The following SORCS2 variants were observed in gnomAD, a reference collection of about 807,000 sequenced individuals.
SORCS2 encodes sortilin related VPS10 domain containing receptor 2.
SORCS2 carries 100 observed loss-of-function variants against 141.6 expected under a neutral mutation model. The ratio of observed to expected loss-of-function variants is 0.71; its 90% CI spans 0.60 to 0.83. SORCS2 has a LOEUF of 0.83. SORCS2 is among the 40% of genes least tolerant of loss of function. The pLI is 0.00. For missense variants in SORCS2, 1,646 were observed against 1,560.2 expected (o/e 1.05, Z -0.93); for synonymous variants, 789 against 676.9 (o/e 1.17, Z -2.57).
At chr4:7,337,882 C>G (rs971897979) in intron 1 of SORCS2, among the ~76,000 whole-genome samples, 3 of 152,178 alleles carry the variant, frequency 2.0e-5, no homozygotes, top group Admixed American at 2.0e-4. Flanking sequence ...CACACATGCT[C>G]CCACATGCTG....
At chr4:7,253,265 A>G (rs1713626887) in intron 1 of SORCS2, among the ~76,000 whole-genome samples, 2 of 152,216 alleles carry the variant, frequency 1.3e-5, no homozygotes, top group African/African-American at 4.8e-5. Context: ...GGACAACCTG[A>G]GCCTCGCCGG....
At chr4:7,554,971 A>G (rs1400607650) in intron 3 of SORCS2, among the ~76,000 whole-genome samples, 1 of 152,172 alleles carries the variant, frequency 6.6e-6, no homozygotes, top group Non-Finnish European at 1.5e-5. Context: ...AAGTGCATCA[A>G]AGTCATCACA....
chr4:7,482,427 G>T (rs1375697735), intron 2 of SORCS2, among the ~76,000 whole-genome samples: 2 of 40,770 alleles, frequency 4.9e-5, no homozygotes. Context: ...CCCCACTGCG[G>T]ACACCCCTGA....
intron 3 of SORCS2, 50 bp from the exon 4 acceptor site, chr4:7,638,278 G>A (rs774492022): frequency 1.3e-5 from 20 of 1,484,524 alleles, no homozygotes; most frequent in Admixed American, 2.5e-5. Context: ...TTCTGGTGTC[G>A]GGGGAGAGGG....
chr4:7,638,601 G>A, intron 4 of SORCS2, 109 bp downstream of exon 4: 1 of 1,201,480 alleles, frequency 8.3e-7, no homozygotes, highest in South Asian at 1.5e-5. Flanking sequence ...CCCTGGGCTG[G>A]CTGAGGAGGA....
intron 1 of SORCS2, among the ~76,000 whole-genome samples, chr4:7,316,292 A>G (rs994759087): frequency 1.2e-4 from 19 of 152,162 alleles, no homozygotes; most frequent in African/African-American, 4.6e-4. Context: ...TCATGTATCC[A>G]TCCAAACAAA....
chr4:7,387,560 TACACACGC>T lies in SORCS2; in HGVS notation c.481-8722_481-8715del, dbSNP rs1376576717. Among the ~76,000 whole-genome samples, 14 of 129,954 alleles carry T rather than the reference TACACACGC, an allele frequency of 1.1e-4. 1 individual carries two copies. Among genetic ancestry groups the T allele is most frequent in the Admixed American group, 2.2e-4 (3 of 13,366 alleles). The allele number at this position is 129,954 out of a possible 152,430, so 85.3% of individuals were successfully genotyped here. A position where few individuals can be genotyped will look rare whatever the true frequency, so the allele number is the denominator to read the frequency against. On this transcript the variant is annotated intron_variant, in intron 1 of 26. Transcript: ENST00000507866. ...GCACACACATGCACATACACATATG[TACACACGC>T]ACACATGCACACACATACAGGTACA...
At chr4:7,638,688 C>G (rs1032561833) in intron 4 of SORCS2, among the ~76,000 whole-genome samples, 196 bp downstream of exon 4, 2 of 152,120 alleles carry the variant, frequency 1.3e-5, no homozygotes, top group African/African-American at 4.8e-5. Context: ...GGACCGTGCC[C>G]ACTTGGCTGT....
chr4:7,525,897 G>T (rs1733657547), intron 2 of SORCS2, among the ~76,000 whole-genome samples: 1 of 122,562 alleles, frequency 8.2e-6, no homozygotes, highest in Non-Finnish European at 1.7e-5. Context: ...TCAGTCACCT[G>T]TCTCCTCCTG....
chr4:7,379,454 C>T (rs562635244), intron 1 of SORCS2, among the ~76,000 whole-genome samples: 5 of 152,292 alleles, frequency 3.3e-5, no homozygotes, highest in Admixed American at 1.3e-4. Flanking sequence ...GGCGCCCCAT[C>T]GTGTGAGTTG....
intron 1 of SORCS2, among the ~76,000 whole-genome samples, chr4:7,359,656 C>T (rs955161683): frequency 6.6e-6 from 1 of 152,240 alleles, no homozygotes; most frequent in Admixed American, 6.5e-5. Context: ...TGACCTTTGC[C>T]TGCTGCTGTT....
At chr4:7,583,170 C>T (rs193191343) in intron 3 of SORCS2, among the ~76,000 whole-genome samples, 2 of 152,274 alleles carry the variant, frequency 1.3e-5, no homozygotes, top group East Asian at 3.9e-4. Context: ...AGTTCTAGTA[C>T]TTTGTCTTTC....
chr4:7,737,740 G>T (rs1326554774), intron 26 of SORCS2, among the ~76,000 whole-genome samples: 2 of 152,242 alleles, frequency 1.3e-5, no homozygotes, highest in Non-Finnish European at 2.9e-5. Flanking sequence ...CAGCGGCGTA[G>T]CATCGTTTAT....
chr4:7,453,892 G>GTGTGTGTTGGGGTCAGGTGC (rs1728672883), intron 2 of SORCS2, among the ~76,000 whole-genome samples: 1 of 113,482 alleles, frequency 8.8e-6, no homozygotes, highest in African/African-American at 3.5e-5. Flanking sequence ...GGGTCAGGAG[G>GTGTGTGTTGGGGTCAGGTGC]TGTGTGTTGG....
chr4:7,414,532 A>G (rs1725535932), intron 2 of SORCS2, among the ~76,000 whole-genome samples: 1 of 152,198 alleles, frequency 6.6e-6, no homozygotes, highest in South Asian at 2.1e-4. Flanking sequence ...GGCCAAAGAG[A>G]CAGCTAATGC....
In SORCS2 at chr4:7,231,550, C is replaced by T. The variant is rs1313078772; in HGVS notation, c.480+38424C>T. On this transcript the variant is annotated intron_variant, in intron 1 of 26. Transcript: ENST00000507866. ...CCATCCATCCATTCATCCATCCATC[C>T]ATCCATCCACTCATTTGTTCATTCA... Among the ~76,000 whole-genome samples the T allele has an allele frequency of 3.3e-5, 5 of 152,212 alleles. No homozygotes were observed. The East Asian group carries it at 9.6e-4, about 29-fold the overall frequency.
intron 12 of SORCS2, among the ~76,000 whole-genome samples, chr4:7,700,042 G>T (rs981708557): frequency 2.6e-5 from 4 of 152,096 alleles, no homozygotes; most frequent in African/African-American, 9.7e-5. Flanking sequence ...GGGCCTCTCC[G>T]TGTGCCCCCA....
At chr4:7,593,924 G>T (rs540805421) in intron 3 of SORCS2, among the ~76,000 whole-genome samples, 1 of 152,234 alleles carries the variant, frequency 6.6e-6, no homozygotes, top group African/African-American at 2.4e-5. Flanking sequence ...AAGTGCTCTT[G>T]TTATGGGAAA....
chr4:7,369,713 G>A (rs1022629459), intron 1 of SORCS2, among the ~76,000 whole-genome samples: 2 of 152,144 alleles, frequency 1.3e-5, no homozygotes, highest in African/African-American at 2.4e-5. Context: ...CCAGCCCCTC[G>A]CACATGCCTC....
Sources: allele counts gnomAD v4.1 joint callset (sites outside exome capture counted in the v4.1 genomes callset), GRCh38; gene constraint gnomAD v4.1.1; transcripts MANE v1.5; gene names NCBI Gene and HGNC (gene_info 2026-07-23, HGNC 2026-07-21).